APAF1: variants seen among roughly 807,000 people sequenced by gnomAD.
APAF1 encodes the protein apoptotic protease-activating factor 1.
APAF1 carries 91 observed loss-of-function variants against 152.4 expected under a neutral mutation model. The observed-to-expected ratio is 0.60, with a 90% CI of 0.50 to 0.71. The LOEUF (loss-of-function observed/expected upper bound fraction) is 0.71. APAF1 is among the 30% of genes least tolerant of loss of function. The pLI is 0.00. For synonymous variants in APAF1, 484 were observed against 494.1 expected, an observed-to-expected ratio of 0.98 and a Z score of 0.27; for missense variants, 1,283 against 1,472.0, an observed-to-expected ratio of 0.87 and a Z score of 2.10.
intron 14 of APAF1, among the ~76,000 whole-genome samples, chr12:98,682,707 T>C (rs901240046): frequency 6.6e-6 from 1 of 152,186 alleles, no homozygotes; most frequent in Non-Finnish European, 1.5e-5. Context: ...ATATCCCCAT[T>C]TTACAGAAGA....
At chr12:98,724,431 C>T (rs1448421049) in intron 24 of APAF1, among the ~76,000 whole-genome samples, 2 of 152,122 alleles carry the variant, frequency 1.3e-5, no homozygotes, top group African/African-American at 2.4e-5. Flanking sequence ...TATTACCTAA[C>T]GGTTTATAGG....
chr12:98,710,607 G>A (rs540133868), intron 20 of APAF1, among the ~76,000 whole-genome samples: 1 of 152,220 alleles, frequency 6.6e-6, no homozygotes, highest in South Asian at 2.1e-4. Flanking sequence ...TTTTTGTAGA[G>A]ATGGGGGCAT....
intron 21 of APAF1, among the ~76,000 whole-genome samples, 187 bp from the exon 22 acceptor site, chr12:98,715,234 GCATATA>G (rs1263601530): frequency 1.2e-4 from 7 of 58,348 alleles, no homozygotes; most frequent in South Asian, 1.1e-3. Context: ...TACATGGTGT[GCATATA>G]TATATATATA....
intron 26 of APAF1, among the ~76,000 whole-genome samples, chr12:98,730,760 A>G (rs1432112306): frequency 2.0e-5 from 3 of 152,238 alleles, no homozygotes; most frequent in African/African-American, 7.2e-5. Flanking sequence ...AGTGTCCAAG[A>G]AAATAGGCCT....
At chr12:98,672,089 G>A (rs1044622636) in intron 12 of APAF1, among the ~76,000 whole-genome samples, 2 of 152,072 alleles carry the variant, frequency 1.3e-5, no homozygotes, top group African/African-American at 2.4e-5. Context: ...CAAGTTACAG[G>A]TTTTTCTCTC....
intron 16 of APAF1, among the ~76,000 whole-genome samples, chr12:98,694,032 A>ACT (rs755856547): frequency 2.0e-5 from 3 of 151,774 alleles, no homozygotes; most frequent in Non-Finnish European, 2.9e-5. Flanking sequence ...GCGGGAGAGG[A>ACT]CTCTCTATTC....
intron 16 of APAF1, among the ~76,000 whole-genome samples, chr12:98,687,736 T>C (rs2097699486): frequency 6.6e-6 from 1 of 152,200 alleles, no homozygotes; most frequent in South Asian, 2.1e-4. Context: ...GGATTAAGTA[T>C]TTAATACATG....
chr12:98,727,462 G>C (rs2097752192), intron 26 of APAF1, 146 bp downstream of exon 26: 6 of 881,896 alleles, frequency 6.8e-6, no homozygotes, highest in South Asian at 4.6e-5. Flanking sequence ...TGGGAGGATC[G>C]CTGGAGTCTG....
chr12:98,717,344 G>T (rs1400068453), intron 22 of APAF1, among the ~76,000 whole-genome samples: 1 of 150,776 alleles, frequency 6.6e-6, no homozygotes, highest in East Asian at 1.9e-4. Context: ...TATATATATA[G>T]AAATTATATA....
At chr12:98,671,792 G>A in intron 12 of APAF1, 73 bp downstream of exon 12, 11 of 1,411,940 alleles carry the variant, frequency 7.8e-6, no homozygotes, top group African/African-American at 1.4e-5. Flanking sequence ...TGGTGAATAC[G>A]ATCACTCCAG....
intron 16 of APAF1, among the ~76,000 whole-genome samples, chr12:98,694,751 A>G (rs2097707892): frequency 6.6e-6 from 1 of 152,098 alleles, no homozygotes; most frequent in African/African-American, 2.4e-5. Context: ...AGACATAGAT[A>G]TATCTTAGCT....
intron 12 of APAF1, among the ~76,000 whole-genome samples, chr12:98,675,274 T>C (rs952778977): frequency 2.6e-5 from 4 of 152,336 alleles, no homozygotes; most frequent in Admixed American, 6.5e-5. Flanking sequence ...ATTTGTCTAG[T>C]ACTTTTGGGC....
At chr12:98,699,987 C>T (rs1057271670) in intron 17 of APAF1, among the ~76,000 whole-genome samples, 1 of 152,116 alleles carries the variant, frequency 6.6e-6, no homozygotes, top group African/African-American at 2.4e-5. Context: ...TGTTTTCTTA[C>T]ACCTACAATT....
intron 19 of APAF1, among the ~76,000 whole-genome samples, chr12:98,708,028 C>T (rs994605914): frequency 2.0e-5 from 3 of 152,186 alleles, no homozygotes; most frequent in African/African-American, 4.8e-5. Context: ...CTCACTGCAA[C>T]CTCCACCTCC....
chr12:98,666,572 A>G (rs10745834), intron 9 of APAF1, among the ~76,000 whole-genome samples: 59,532 of 152,006 alleles, frequency 0.39, 12,465 homozygotes, highest in African/African-American at 0.56. Context: ...TTCTTTTTGT[A>G]GTCCAGGCCA....
rs2097767603 is a variant in APAF1 at position 98,735,129 on chromosome 12, T to A, written c.*2563T>A. On this transcript the variant is annotated 3_prime_UTR_variant, in exon 27 of 27. Transcript: ENST00000551964. ...CAAGGTAACATGAAGAAAGAAGAGA[T>A]ACCTAGTATGATGGAGCTGCAAATT... The A allele has an allele frequency of 2.5e-6, 1 of 398,498 alleles. No homozygotes were observed. Among genetic ancestry groups the A allele is most frequent in the Non-Finnish European group, 4.4e-6 (1 of 226,110 alleles). The allele number at this position is 398,498 out of a possible 1,614,324, so 24.7% of individuals were successfully genotyped here. A position where few individuals can be genotyped will look rare whatever the true frequency, so the allele number is the denominator to read the frequency against.
chr12:98,680,708 G>C (rs1314078477), intron 14 of APAF1, among the ~76,000 whole-genome samples: 1 of 152,190 alleles, frequency 6.6e-6, no homozygotes, highest in African/African-American at 2.4e-5. Context: ...GAGCCACTGT[G>C]CGTGGCCTGA....
intron 26 of APAF1, 47 bp downstream of exon 26, chr12:98,727,363 T>C (rs1425153449): frequency 1.2e-6 from 2 of 1,603,186 alleles, no homozygotes; most frequent in African/African-American, 1.3e-5. Context: ...GCCTATATCA[T>C]ACTTTCCAAG....
chr12:98,677,263 G>C (rs1015694013), intron 12 of APAF1, among the ~76,000 whole-genome samples, 162 bp from the exon 13 acceptor site: 5 of 151,686 alleles, frequency 3.3e-5, no homozygotes, highest in Non-Finnish European at 7.4e-5. Context: ...TTTTTCTTTT[G>C]GTGATCTGTG....
Sources: allele counts gnomAD v4.1 joint callset (sites outside exome capture counted in the v4.1 genomes callset), GRCh38; gene constraint gnomAD v4.1.1; transcripts MANE v1.5; gene names NCBI Gene and HGNC (gene_info 2026-07-23, HGNC 2026-07-21).